ROBO1: variants seen among roughly 807,000 people sequenced by gnomAD.
ROBO1 encodes the protein roundabout homolog 1.
In ROBO1, 149 loss-of-function variants were observed where a neutral mutation model predicts 195.9. The observed-to-expected ratio is 0.76, with a 90% CI of 0.67 to 0.87. The LOEUF is 0.87. Ranked by LOEUF, ROBO1 falls within the 40% of genes least tolerant of loss-of-function variation. The pLI is 0.00. For missense variants in ROBO1, 1,933 were observed against 2,068.3 expected (o/e 0.93, Z 1.27); for synonymous variants, 816 against 733.2 (o/e 1.11, Z -1.82).
chr3:78,614,528 C>A, intron 28 of ROBO1, 120 bp downstream of exon 28: 1 of 1,111,772 alleles, frequency 9.0e-7, no homozygotes. Context: ...TAATATGAAG[C>A]TGATTGTTAA....
intron 3 of ROBO1, among the ~76,000 whole-genome samples, chr3:78,982,328 C>A (rs1279835771): frequency 2.0e-5 from 3 of 152,236 alleles, no homozygotes; most frequent in South Asian, 4.1e-4. Flanking sequence ...ATATTAATAC[C>A]TTTGTAAGCC....
At chr3:79,386,590 A>C (rs1003013821) in intron 2 of ROBO1, among the ~76,000 whole-genome samples, 3 of 152,158 alleles carry the variant, frequency 2.0e-5, no homozygotes, top group African/African-American at 7.2e-5. Context: ...TTGACAGGGC[A>C]TTCAAGCAGA....
intron 2 of ROBO1, among the ~76,000 whole-genome samples, chr3:79,281,761 C>T (rs1487801171): frequency 6.6e-6 from 1 of 152,078 alleles, no homozygotes; most frequent in Non-Finnish European, 1.5e-5. Flanking sequence ...AACTTTGTGC[C>T]ATCATCGGAG....
At chr3:79,324,305 TG>T (rs1175088209) in intron 2 of ROBO1, among the ~76,000 whole-genome samples, 2 of 152,216 alleles carry the variant, frequency 1.3e-5, no homozygotes, top group African/African-American at 4.8e-5. Flanking sequence ...TACGAGGCAC[TG>T]AATAGCCAAC....
At chr3:79,621,499 A>G (rs1945008522) in intron 1 of ROBO1, among the ~76,000 whole-genome samples, 1 of 152,178 alleles carries the variant, frequency 6.6e-6, no homozygotes, top group African/African-American at 2.4e-5. Context: ...GAAAAATCCT[A>G]AAAGCATTTA....
Position 79,550,167 on chromosome 3 carries a change from G to GAAA in ROBO1, c.88+39656_88+39657insTTT, listed in dbSNP as rs61049333. Among the ~76,000 whole-genome samples, 473 of 101,168 alleles carry GAAA rather than the reference G, an allele frequency of 4.7e-3. 41 individuals carry two copies. Among genetic ancestry groups the GAAA allele is most frequent in the South Asian group, 0.02 (68 of 3,446 alleles). 66.4% of individuals were successfully genotyped at this position (101,168 alleles called of 152,430 possible). ...AAAAAGAAAGGAAGAAAGAAAGAAAGGAAGAAAGAAAGAAAGAAAGAAAGA... is the reference window on the plus strand; with the variant it reads ...AAAAAGAAAGGAAGAAAGAAAGAAAGAAAGAAGAAAGAAAGAAAGAAAGAAAGA... On this transcript the variant is annotated intron_variant, in intron 2 of 30. Transcript: ENST00000464233.
At chr3:78,688,008 TATTTATTA>T (rs79834549) in intron 9 of ROBO1, among the ~76,000 whole-genome samples, 3,420 of 152,310 alleles carry the variant, frequency 0.022, 63 homozygotes, top group Non-Finnish European at 0.035. Context: ...TAAGATTTCC[TATTTATTA>T]AACTGAAGTC....
intron 4 of ROBO1, among the ~76,000 whole-genome samples, chr3:78,871,988 T>G (rs556620489): frequency 2.0e-5 from 3 of 152,318 alleles, no homozygotes; most frequent in African/African-American, 7.2e-5. Context: ...CCATCTATTT[T>G]AAACACAAGA....
At chr3:79,570,618 CA>C (rs1560002746) in intron 2 of ROBO1, among the ~76,000 whole-genome samples, 1 of 151,908 alleles carries the variant, frequency 6.6e-6, no homozygotes, top group Non-Finnish European at 1.5e-5. Flanking sequence ...AGTAGAAAGA[CA>C]AAAATGCAAA....
chr3:79,399,351 C>T (rs186206751), intron 2 of ROBO1, among the ~76,000 whole-genome samples: 1 of 152,098 alleles, frequency 6.6e-6, no homozygotes, highest in Non-Finnish European at 1.5e-5. Context: ...CCGGCTGCCC[C>T]CCGACCTCCC....
chr3:79,536,707 GC>G (rs1199123762), intron 2 of ROBO1, among the ~76,000 whole-genome samples: 4 of 151,984 alleles, frequency 2.6e-5, no homozygotes, highest in Non-Finnish European at 4.4e-5. Flanking sequence ...TTTCTCAGTT[GC>G]TGCAAATAAT....
At chr3:79,685,790 G>A (rs1033982489) in intron 1 of ROBO1, among the ~76,000 whole-genome samples, 1 of 152,130 alleles carries the variant, frequency 6.6e-6, no homozygotes, top group Non-Finnish European at 1.5e-5. Flanking sequence ...TCTACCAGAG[G>A]TACAAGGAGG....
intron 3 of ROBO1, among the ~76,000 whole-genome samples, chr3:79,040,152 T>A (rs2078458428): frequency 6.6e-6 from 1 of 152,098 alleles, no homozygotes; most frequent in African/African-American, 2.4e-5. Flanking sequence ...ACAAGTACCC[T>A]AGGAAGTGCT....
intron 21 of ROBO1, among the ~76,000 whole-genome samples, chr3:78,644,314 T>C (rs1313496314): frequency 6.6e-6 from 1 of 152,134 alleles, no homozygotes; most frequent in East Asian, 1.9e-4. Flanking sequence ...GCCACTATAA[T>C]GTAAGGTCTG....
At chr3:79,101,592 T>A (rs1031109181) in intron 3 of ROBO1, among the ~76,000 whole-genome samples, 3 of 151,796 alleles carry the variant, frequency 2.0e-5, no homozygotes, top group Non-Finnish European at 4.4e-5. Flanking sequence ...CCTCACCGTT[T>A]TCTTTGGGGT....
At chr3:78,862,394 T>C (rs888773867) in intron 4 of ROBO1, among the ~76,000 whole-genome samples, 1 of 152,202 alleles carries the variant, frequency 6.6e-6, no homozygotes, top group African/African-American at 2.4e-5. Flanking sequence ...TTCTTTTCTA[T>C]AGCCTTGAAT....
At chr3:79,099,097 C>A (rs2079626493) in intron 3 of ROBO1, among the ~76,000 whole-genome samples, 1 of 151,694 alleles carries the variant, frequency 6.6e-6, no homozygotes, top group Non-Finnish European at 1.5e-5. Flanking sequence ...CTCTTCTAAG[C>A]CCTAATCTTT....
intron 2 of ROBO1, among the ~76,000 whole-genome samples, chr3:79,142,955 T>A (rs368157413): frequency 1.3e-5 from 2 of 152,148 alleles, no homozygotes; most frequent in African/African-American, 4.8e-5. Context: ...GTCTCTGTAA[T>A]CTGTAATCTG....
intron 4 of ROBO1, among the ~76,000 whole-genome samples, chr3:78,836,381 G>T (rs9861264): frequency 6.6e-6 from 1 of 151,228 alleles, no homozygotes; most frequent in African/African-American, 2.4e-5. Flanking sequence ...GTGTGGTGGC[G>T]GGTGCCTGTA....
Sources: allele counts gnomAD v4.1 joint callset (sites outside exome capture counted in the v4.1 genomes callset), GRCh38; gene constraint gnomAD v4.1.1; transcripts MANE v1.5; gene names NCBI Gene and HGNC (gene_info 2026-07-23, HGNC 2026-07-21).